PCCA: variants seen among roughly 807,000 people sequenced by gnomAD.
PCCA encodes the protein propionyl-CoA carboxylase subunit alpha.
In PCCA, 74 loss-of-function variants were observed where a neutral mutation model predicts 101.3. That is an observed-to-expected ratio of 0.73 (90% CI 0.61 to 0.89). The LOEUF is 0.89. Among genes scored for constraint, PCCA ranks in the 40% least tolerant of loss-of-function variants. PCCA has a pLI of 0.00. For missense variants in PCCA, 891 were observed against 907.0 expected, an observed-to-expected ratio of 0.98 and a Z score of 0.23; for synonymous variants, 294 against 313.6, an observed-to-expected ratio of 0.94 and a Z score of 0.66.
Position 100,348,787 on chromosome 13 carries a change from T to TCTTTCTTTCTTTCTTC in PCCA, c.1643+8531_1643+8532insTCTTTCTTTCTTCCTT, listed in dbSNP as rs1298483783. 1.4e-3 allele frequency among the ~76,000 whole-genome samples: 65 copies of TCTTTCTTTCTTTCTTC among 46,622 alleles called. 1 individual carries two copies. The highest frequency in any genetic ancestry group is 0.01 in the East Asian group (15 of 1,436). 30.6% of individuals were successfully genotyped at this position (46,622 alleles called of 152,430 possible). A position where few individuals can be genotyped will look rare whatever the true frequency, so the allele number is the denominator to read the frequency against. Reference sequence around the variant, plus strand: ...TTCTTTCTTTCTTTCTTTCTTTCTTTCTTCCTTCCTTCCTTCCTTCCTTCC... The same window carrying TCTTTCTTTCTTTCTTC: ...TTCTTTCTTTCTTTCTTTCTTTCTTTCTTTCTTTCTTTCTTCCTTCCTTCCTTCCTTCCTTCCTTCC... On this transcript the variant is annotated intron_variant, in intron 18 of 23. Coordinates refer to ENST00000376285, the MANE Select transcript of PCCA (RefSeq NM_000282.4).
chr13:100,463,671 C>G (rs1422981859), intron 21 of PCCA, among the ~76,000 whole-genome samples: 1 of 152,066 alleles, frequency 6.6e-6, no homozygotes, highest in South Asian at 2.1e-4. Flanking sequence ...AGTTGATGCC[C>G]CAGCAGAGGT....
At chr13:100,125,176 A>G (rs367895217) in intron 4 of PCCA, among the ~76,000 whole-genome samples, 20 of 142,492 alleles carry the variant, frequency 1.4e-4, no homozygotes, top group African/African-American at 5.9e-4. Flanking sequence ...TGAGAATGTT[A>G]TATTTCAGTA....
chr13:100,383,096 G>C (rs1226896775), intron 19 of PCCA, among the ~76,000 whole-genome samples: 1 of 151,904 alleles, frequency 6.6e-6, no homozygotes, highest in Non-Finnish European at 1.5e-5. Flanking sequence ...GTAGCATGGG[G>C]GAGAGCACCT....
intron 1 of PCCA, among the ~76,000 whole-genome samples, chr13:100,090,173 CT>C (rs941483049): frequency 4.6e-5 from 7 of 152,308 alleles, no homozygotes; most frequent in African/African-American, 1.4e-4. Flanking sequence ...GTTGAAGACA[CT>C]TTAGAGACGA....
intron 4 of PCCA, among the ~76,000 whole-genome samples, chr13:100,115,007 G>A (rs1270385205): frequency 6.6e-6 from 1 of 152,174 alleles, no homozygotes; most frequent in Non-Finnish European, 1.5e-5. Flanking sequence ...TTTCACAATA[G>A]CCAAGATTTG....
In PCCA at chr13:100,320,422, T is replaced by C. The variant is rs1375963145; in HGVS notation, c.1430-10139T>C. Among the ~76,000 whole-genome samples, 4 of 152,322 alleles carry C rather than the reference T, an allele frequency of 2.6e-5. No homozygotes were observed. In the South Asian group the frequency reaches 8.3e-4, roughly 32 times the overall value. ...TGTGCCAGTTTTCAAAGGGAATGCT[T>C]CCAGTTTTTGCCCATTCAGTATGAT... On this transcript the variant is annotated intron_variant, in intron 16 of 23. Transcript: ENST00000376285.
intron 19 of PCCA, among the ~76,000 whole-genome samples, chr13:100,384,459 T>C (rs533415107): frequency 6.6e-6 from 1 of 152,354 alleles, no homozygotes; most frequent in East Asian, 1.9e-4. Flanking sequence ...CAAATAGTAA[T>C]ATAAAGAATC....
intron 4 of PCCA, among the ~76,000 whole-genome samples, chr13:100,114,165 C>T (rs912679230): frequency 1.3e-5 from 2 of 152,062 alleles, no homozygotes; most frequent in Non-Finnish European, 2.9e-5. Flanking sequence ...AATGAAGAGA[C>T]AACCCACAGA....
intron 19 of PCCA, among the ~76,000 whole-genome samples, chr13:100,388,342 T>C (rs1244648673): frequency 2.0e-5 from 3 of 151,592 alleles, no homozygotes; most frequent in African/African-American, 7.3e-5. Flanking sequence ...CACATGTCTG[T>C]GGTCCCAGCT....
chr13:100,473,827 C>T (rs915696443), intron 21 of PCCA, among the ~76,000 whole-genome samples: 1 of 152,224 alleles, frequency 6.6e-6, no homozygotes, highest in Admixed American at 6.5e-5. Flanking sequence ...TTTCCAGTCT[C>T]ATTAGGGGAG....
intron 6 of PCCA, among the ~76,000 whole-genome samples, chr13:100,205,410 A>G (rs956873796): frequency 2.0e-5 from 3 of 152,206 alleles, no homozygotes; most frequent in Non-Finnish European, 4.4e-5. Flanking sequence ...TCTAGGGAGC[A>G]CTTCCAAAAC....
chr13:100,299,808 G>A (rs1013011275), intron 12 of PCCA, among the ~76,000 whole-genome samples: 1 of 152,134 alleles, frequency 6.6e-6, no homozygotes, highest in African/African-American at 2.4e-5. Context: ...CTTCTCCTGG[G>A]TTCCAGCAAT....
intron 21 of PCCA, among the ~76,000 whole-genome samples, chr13:100,480,050 A>G (rs2083761490): frequency 6.6e-6 from 1 of 152,192 alleles, no homozygotes; most frequent in South Asian, 2.1e-4. Context: ...CCTATGGAGC[A>G]TTTACTCTTG....
chr13:100,452,877 A>G (rs549594675), intron 21 of PCCA, among the ~76,000 whole-genome samples: 1 of 152,090 alleles, frequency 6.6e-6, no homozygotes, highest in South Asian at 2.1e-4. Flanking sequence ...CCAATGTAGG[A>G]CCTGAGTGTT....
intron 21 of PCCA, among the ~76,000 whole-genome samples, chr13:100,469,173 T>C (rs904973614): frequency 2.4e-5 from 3 of 126,744 alleles, no homozygotes; most frequent in African/African-American, 9.1e-5. Flanking sequence ...ATTGCGCCAT[T>C]GCACTCCAGC....
chr13:100,414,971 G>C (rs1334909385), intron 19 of PCCA, among the ~76,000 whole-genome samples: 2 of 152,098 alleles, frequency 1.3e-5, no homozygotes, highest in Admixed American at 6.5e-5. Flanking sequence ...GTGAACTTAA[G>C]TGAAATACTC....
intron 19 of PCCA, among the ~76,000 whole-genome samples, chr13:100,372,505 A>G (rs1482149771): frequency 1.3e-5 from 2 of 152,202 alleles, no homozygotes; most frequent in Non-Finnish European, 2.9e-5. Flanking sequence ...AAACACTTCT[A>G]TATATGAAAG....
At chr13:100,283,530 T>C (rs1212959182) in intron 12 of PCCA, among the ~76,000 whole-genome samples, 1 of 152,202 alleles carries the variant, frequency 6.6e-6, no homozygotes, top group Admixed American at 6.5e-5. Flanking sequence ...CCCGAATCAC[T>C]TGAGGGTCAA....
intron 19 of PCCA, among the ~76,000 whole-genome samples, chr13:100,403,195 A>G (rs1164787539): frequency 1.3e-5 from 2 of 152,136 alleles, no homozygotes; most frequent in Admixed American, 1.3e-4. Flanking sequence ...GGGAAGGAAA[A>G]GAGTTCACAT....
Sources: allele counts gnomAD v4.1 joint callset (sites outside exome capture counted in the v4.1 genomes callset), GRCh38; gene constraint gnomAD v4.1.1; transcripts MANE v1.5; gene names NCBI Gene and HGNC (gene_info 2026-07-23, HGNC 2026-07-21).